C16orf87: variants seen among roughly 807,000 people sequenced by gnomAD.
C16orf87 encodes HDAC and MIER1 interacting protein 1.
C16orf87 carries 13 observed loss-of-function variants against 21.0 expected under a neutral mutation model. The observed-to-expected ratio is 0.62, with a 90% CI of 0.40 to 0.98. The LOEUF (loss-of-function observed/expected upper bound fraction) is 0.98, where lower values mean the gene tolerates loss of function less well. Among genes scored for constraint, C16orf87 ranks in the 50% least tolerant of loss-of-function variants. C16orf87 has a pLI of 0.00. For missense variants in C16orf87, 113 were observed against 180.4 expected, an observed-to-expected ratio of 0.63 and a Z score of 2.14; for synonymous variants, 49 against 60.2, an observed-to-expected ratio of 0.81 and a Z score of 0.86.
At chr16:46,823,628 G>A (rs1012906786) in intron 2 of C16orf87, among the ~76,000 whole-genome samples, 2 of 151,478 alleles carry the variant, frequency 1.3e-5, no homozygotes, top group African/African-American at 2.4e-5. Flanking sequence ...ATTTTTCAAC[G>A]GTCACTAGTT....
intron 2 of C16orf87, among the ~76,000 whole-genome samples, chr16:46,822,519 C>T (rs1435714634): frequency 1.3e-5 from 2 of 152,098 alleles, no homozygotes; most frequent in African/African-American, 2.4e-5. Flanking sequence ...ACCCAGCAAC[C>T]GCCTTTAAGA....
intron 3 of C16orf87, 91 bp from the exon 4 acceptor site, chr16:46,803,161 CAGT>C (rs1967827294): frequency 1.6e-6 from 1 of 625,760 alleles, no homozygotes; most frequent in African/African-American, 1.9e-5. Context: ...CTTTAAATGA[CAGT>C]ATTATATATA....
intron 3 of C16orf87, 71 bp from the exon 4 acceptor site, chr16:46,803,141 T>C (rs1352663277): frequency 1.5e-6 from 1 of 678,610 alleles, no homozygotes; most frequent in African/African-American, 1.8e-5. Flanking sequence ...TTTAAAGCTT[T>C]CAAGTATTTC....
intron 2 of C16orf87, 85 bp downstream of exon 2, chr16:46,824,301 A>G (rs781250224): frequency 1.4e-6 from 1 of 689,720 alleles, no homozygotes; most frequent in African/African-American, 1.9e-5. Flanking sequence ...TTTAACTTCA[A>G]CAAAAAATGT....
intron 1 of C16orf87, among the ~76,000 whole-genome samples, chr16:46,824,741 C>A (rs1022094576): frequency 1.3e-4 from 19 of 150,246 alleles, no homozygotes; most frequent in African/African-American, 4.7e-4. Flanking sequence ...TCTAGGCTCA[C>A]TGCAACCTCC....
intron 2 of C16orf87, among the ~76,000 whole-genome samples, chr16:46,819,641 C>T (rs899879708): frequency 1.3e-5 from 2 of 151,884 alleles, no homozygotes; most frequent in Non-Finnish European, 2.9e-5. Context: ...ACTGCTAACA[C>T]GCATCTCTTT....
At chr16:46,822,667 AATC>A (rs1170712666) in intron 2 of C16orf87, among the ~76,000 whole-genome samples, 2 of 152,228 alleles carry the variant, frequency 1.3e-5, no homozygotes, top group African/African-American at 4.8e-5. Flanking sequence ...ATTATTATTG[AATC>A]ATCTGCTACT....
At chr16:46,823,529 C>A (rs934897096) in intron 2 of C16orf87, among the ~76,000 whole-genome samples, 1 of 151,994 alleles carries the variant, frequency 6.6e-6, no homozygotes, top group Non-Finnish European at 1.5e-5. Flanking sequence ...CAAGTTCAAA[C>A]AAAATCATTA....
chr16:46,822,403 C>T lies in C16orf87; in HGVS notation c.163+1983G>A, dbSNP rs575720841. Among the ~76,000 whole-genome samples, 6 of 152,260 alleles carry T rather than the reference C, an allele frequency of 3.9e-5. No individual in the cohort carries two copies. The South Asian group carries it at 8.3e-4, about 21-fold the overall frequency. On this transcript the variant is annotated intron_variant, in intron 2 of 3. Transcript: ENST00000285697. Reference sequence around the variant, plus strand: ...TGACACGCCACCCCAAAATAGCTACCGAGTGAATCATCATTTCAGGGTTCC... The same window carrying T: ...TGACACGCCACCCCAAAATAGCTACTGAGTGAATCATCATTTCAGGGTTCC...
At chr16:46,827,965 G>A (rs1959685804) in intron 1 of C16orf87, among the ~76,000 whole-genome samples, 1 of 148,328 alleles carries the variant, frequency 6.7e-6, no homozygotes, top group Non-Finnish European at 1.5e-5. Context: ...TTGAGACGGA[G>A]TCTCTGTCGC....
At chr16:46,809,189 T>G (rs554094347) in intron 3 of C16orf87, among the ~76,000 whole-genome samples, 7 of 151,588 alleles carry the variant, frequency 4.6e-5, no homozygotes, top group South Asian at 2.1e-4. Flanking sequence ...CTCAGGAGGC[T>G]CAGGGGAGAA....
chr16:46,828,449 G>A (rs541146480), intron 1 of C16orf87, among the ~76,000 whole-genome samples: 1 of 152,174 alleles, frequency 6.6e-6, no homozygotes, highest in East Asian at 1.9e-4. Flanking sequence ...AGAATCTTGA[G>A]CACTGATGCA....
chr16:46,813,033 C>G (rs1352457717), intron 2 of C16orf87, among the ~76,000 whole-genome samples: 1 of 152,104 alleles, frequency 6.6e-6, no homozygotes, highest in Non-Finnish European at 1.5e-5. Context: ...AACGTCAAGG[C>G]CCCAGGATTC....
intron 1 of C16orf87, among the ~76,000 whole-genome samples, chr16:46,828,328 T>A (rs1313487295): frequency 6.6e-6 from 1 of 152,158 alleles, no homozygotes; most frequent in Non-Finnish European, 1.5e-5. Context: ...ACCAGACATA[T>A]TTTATATACA....
Position 46,796,748 on chromosome 16 carries a change from A to C in C16orf87, c.*6204T>G, listed in dbSNP as rs569305682. 6.6e-6 allele frequency: 1 copy of C among 152,358 alleles called. No individual in the cohort carries two copies. The highest frequency in any genetic ancestry group is 2.1e-4 in the South Asian group (1 of 4,830). The allele number at this position is 152,358 out of a possible 1,614,324, so 9.4% of individuals were successfully genotyped here. ...GAACAGAGGTTCTGAGATCTGTGAGATAATACCAAAGAGTCTAACACTTGC... is the reference window on the plus strand; with the variant it reads ...GAACAGAGGTTCTGAGATCTGTGAGCTAATACCAAAGAGTCTAACACTTGC... On this transcript the variant is annotated 3_prime_UTR_variant, in exon 4 of 4. Transcript: ENST00000285697.
At chr16:46,810,963 C>T (rs1263300806) in intron 2 of C16orf87, among the ~76,000 whole-genome samples, 3 of 152,046 alleles carry the variant, frequency 2.0e-5, no homozygotes, top group South Asian at 2.1e-4. Context: ...GGCCACCATA[C>T]GAAGATACTA....
chr16:46,808,865 T>C (rs919681962), intron 3 of C16orf87, among the ~76,000 whole-genome samples: 1 of 152,020 alleles, frequency 6.6e-6, no homozygotes, highest in African/African-American at 2.4e-5. Flanking sequence ...GAAGAATTCA[T>C]CTATGCAAAA....
intron 3 of C16orf87, among the ~76,000 whole-genome samples, chr16:46,808,755 A>G (rs1342918961): frequency 6.6e-6 from 1 of 152,164 alleles, no homozygotes; most frequent in African/African-American, 2.4e-5. Context: ...TCAAAGAAAA[A>G]GAGAAACTGA....
chr16:46,825,090 G>A (rs1437865609), intron 1 of C16orf87, among the ~76,000 whole-genome samples: 1 of 152,172 alleles, frequency 6.6e-6, no homozygotes. Flanking sequence ...AATAGGGTCA[G>A]AGCAAGGGGA....
Sources: gnomAD v4.1 joint callset for allele counts (sites outside exome capture counted in the v4.1 genomes callset) on GRCh38, gnomAD v4.1.1 for gene constraint, MANE v1.5 for transcripts, NCBI Gene and HGNC (gene_info 2026-07-23, HGNC 2026-07-21) for gene names.